The following FYB1 variants were observed in gnomAD, a reference collection of about 807,000 sequenced individuals.
FYB1 encodes FYN-binding protein 1.
A neutral mutation model predicts 94.1 loss-of-function variants in FYB1; 41 were observed. The observed-to-expected ratio is 0.44, with a 90% CI of 0.34 to 0.57. FYB1 has a LOEUF of 0.57. Among genes scored for constraint, FYB1 ranks in the 20% least tolerant of loss-of-function variants. FYB1 has a pLI of 0.02. For missense variants in FYB1, 1,050 were observed against 976.8 expected, an observed-to-expected ratio of 1.07 and a Z score of -1.00; for synonymous variants, 367 against 353.2, an observed-to-expected ratio of 1.04 and a Z score of -0.44.
At chr5:39,237,195 A>G (rs1269103919) in intron 1 of FYB1, among the ~76,000 whole-genome samples, 1 of 152,126 alleles carries the variant, frequency 6.6e-6, no homozygotes, top group Non-Finnish European at 1.5e-5. Flanking sequence ...CAAAAACAAC[A>G]GTTAGGTAGA....
intron 1 of FYB1, among the ~76,000 whole-genome samples, chr5:39,230,376 A>G (rs1750667410): frequency 6.6e-6 from 1 of 152,126 alleles, no homozygotes; most frequent in Non-Finnish European, 1.5e-5. Context: ...TGGAAGAGGC[A>G]AAGAAATGGA....
At chr5:39,116,573 T>A (rs1312594968) in intron 16 of FYB1, among the ~76,000 whole-genome samples, 1 of 152,208 alleles carries the variant, frequency 6.6e-6, no homozygotes, top group Non-Finnish European at 1.5e-5. Flanking sequence ...TATTAGATTA[T>A]GCAGTTATTC....
intron 1 of FYB1, among the ~76,000 whole-genome samples, chr5:39,203,719 A>G (rs562306242): frequency 6.6e-6 from 1 of 152,312 alleles, no homozygotes; most frequent in African/African-American, 2.4e-5. Flanking sequence ...GGGGGAAGAT[A>G]AGGAAGAGGT....
At position 39,253,792 on chromosome 5, in the gene FYB1, G is replaced by T. The variant is rs188321819; in HGVS notation, c.-28+20611C>A. 8.6e-4 allele frequency among the ~76,000 whole-genome samples: 131 copies of T among 152,256 alleles called. 3 individuals carry two copies. Among genetic ancestry groups the T allele is most frequent in the African/African-American group, 3.0e-3 (123 of 41,544 alleles). Reference sequence around the variant, plus strand: ...TTGAACAGATTATTTCATCACCCAGGTGTAAGCCTAGTACCCAATATTTTT... The same window carrying T: ...TTGAACAGATTATTTCATCACCCAGTTGTAAGCCTAGTACCCAATATTTTT... On this transcript the variant is annotated intron_variant, in intron 1 of 1. Transcript: ENST00000510188.
chr5:39,219,393 TA>T, intron 1 of FYB1, 49 bp downstream of exon 1: 1 of 980,018 alleles, frequency 1.0e-6, no homozygotes, highest in Non-Finnish European at 1.2e-6. Context: ...TTTCCTGCTA[TA>T]AAAAATTACA....
At position 39,122,524 on chromosome 5, in the gene FYB1, C is replaced by G. The variant is rs920539242; in HGVS notation, c.2072-122G>C. ...ACAATAAAATAAGTTGTCCTAGTGTCTCGGTAAATTTCTCCTGGAAGCATT... is the reference window on the plus strand; with the variant it reads ...ACAATAAAATAAGTTGTCCTAGTGTGTCGGTAAATTTCTCCTGGAAGCATT... On this transcript the variant is annotated intron_variant, in intron 13 of 18. Coordinates refer to ENST00000512982, the MANE Select transcript of FYB1 (RefSeq NM_001465.6). 2.1e-5 allele frequency: 12 copies of G among 581,820 alleles called. No individual in the cohort carries two copies. In the African/African-American group the frequency reaches 2.1e-4, roughly 10 times the overall value. 36.0% of individuals were successfully genotyped at this position (581,820 alleles called of 1,614,324 possible). A position where few individuals can be genotyped will look rare whatever the true frequency, so the allele number is the denominator to read the frequency against.
At chr5:39,110,412 A>G in intron 16 of FYB1, 23 bp from the exon 17 acceptor site, 1 of 1,543,540 alleles carries the variant, frequency 6.5e-7, no homozygotes, top group East Asian at 2.3e-5. Flanking sequence ...AAGGAAATAA[A>G]TTGTATCAAT....
At chr5:39,248,833 T>A (rs2150605301) in intron 1 of FYB1, among the ~76,000 whole-genome samples, 1 of 152,222 alleles carries the variant, frequency 6.6e-6, no homozygotes, top group African/African-American at 2.4e-5. Context: ...TGAGACTCTG[T>A]CTCCAGGTAG....
Position 39,241,385 on chromosome 5 carries a change from C to T in FYB1, c.-28+33018G>A, listed in dbSNP as rs566138282. On this transcript the variant is annotated intron_variant, in intron 1 of 1. Coordinates refer to the FYB1 transcript ENST00000510188. ...GTGTCCAGGACCTATGAGTCTGGTCCATGGAAAATGTAGAGGGGGACATAA... is the reference window on the plus strand; with the variant it reads ...GTGTCCAGGACCTATGAGTCTGGTCTATGGAAAATGTAGAGGGGGACATAA... Among the ~76,000 whole-genome samples, 14 of 152,194 alleles carry T rather than the reference C, an allele frequency of 9.2e-5. No individual in the cohort carries two copies. The South Asian group carries it at 1.0e-3, about 11-fold the overall frequency.
intron 2 of FYB1, among the ~76,000 whole-genome samples, chr5:39,161,128 T>TA (rs1198037143): frequency 1.4e-5 from 2 of 146,544 alleles, no homozygotes; most frequent in Non-Finnish European, 3.0e-5. Flanking sequence ...AAAATTACCA[T>TA]AAATTACTTT....
intron 1 of FYB1, among the ~76,000 whole-genome samples, chr5:39,243,716 C>G (rs1303531850): frequency 6.6e-6 from 1 of 151,988 alleles, no homozygotes; most frequent in African/African-American, 2.4e-5. Flanking sequence ...CATTGAATCT[C>G]TAAATTACCT....
chr5:39,196,722 C>T (rs1456380495), intron 2 of FYB1, among the ~76,000 whole-genome samples: 1 of 152,122 alleles, frequency 6.6e-6, no homozygotes, highest in African/African-American at 2.4e-5. Context: ...GATTCATTGT[C>T]TTGTGATATT....
At chr5:39,161,609 A>G (rs1289014991) in intron 2 of FYB1, among the ~76,000 whole-genome samples, 1 of 151,672 alleles carries the variant, frequency 6.6e-6, no homozygotes, top group East Asian at 1.9e-4. Context: ...TTTAAATGAC[A>G]GTGGAGTTCT....
chr5:39,193,272 G>A (rs376993503), intron 2 of FYB1, among the ~76,000 whole-genome samples: 5 of 152,162 alleles, frequency 3.3e-5, no homozygotes, highest in African/African-American at 1.2e-4. Context: ...GGAGCAAATC[G>A]ATGATCTTTT....
intron 2 of FYB1, among the ~76,000 whole-genome samples, chr5:39,161,552 A>G (rs1398862246): frequency 6.6e-6 from 1 of 151,952 alleles, no homozygotes; most frequent in East Asian, 1.9e-4. Context: ...TTAATTTTAA[A>G]AAGATGTTAT....
chr5:39,243,152 C>T (rs1279910185), intron 1 of FYB1, among the ~76,000 whole-genome samples: 2 of 151,894 alleles, frequency 1.3e-5, no homozygotes, highest in South Asian at 2.1e-4. Flanking sequence ...TAATTAGATC[C>T]CATTTGTCAA....
At chr5:39,139,301 CT>C in intron 4 of FYB1, 49 bp from the exon 5 acceptor site, 1 of 1,341,656 alleles carries the variant, frequency 7.5e-7, no homozygotes, top group South Asian at 1.4e-5. Flanking sequence ...TAAGGAAGCA[CT>C]TTAATGTAAG....
intron 2 of FYB1, among the ~76,000 whole-genome samples, chr5:39,182,513 A>T (rs889185587): frequency 4.6e-5 from 7 of 152,208 alleles, no homozygotes; most frequent in African/African-American, 1.7e-4. Flanking sequence ...GCTTTCAAAA[A>T]GACTCAGGTC....
chr5:39,230,878 CAT>C (rs1554042702), intron 1 of FYB1, among the ~76,000 whole-genome samples: 7 of 128,336 alleles, frequency 5.5e-5, no homozygotes, highest in Non-Finnish European at 1.1e-4. Context: ...CACACACACA[CAT>C]ATATATACAC....
Sources: allele counts gnomAD v4.1 joint callset (sites outside exome capture counted in the v4.1 genomes callset), GRCh38; gene constraint gnomAD v4.1.1; transcripts MANE v1.5; gene names NCBI Gene and HGNC (gene_info 2026-07-23, HGNC 2026-07-21).